CERK: variants seen among roughly 807,000 people sequenced by gnomAD.
The protein encoded by CERK is acylsphingosine kinase.
In CERK, 39 loss-of-function variants were observed where a neutral mutation model predicts 63.4. The ratio of observed to expected loss-of-function variants is 0.61; its 90% CI spans 0.48 to 0.80. The LOEUF (loss-of-function observed/expected upper bound fraction) is 0.80, where lower values mean the gene tolerates loss of function less well. CERK is among the 30% of genes least tolerant of loss of function. The pLI, the probability that CERK is intolerant of heterozygous loss-of-function variation, is 0.00. For synonymous variants in CERK, 302 were observed against 280.0 expected (o/e 1.08, Z -0.78); for missense variants, 670 against 714.1 (o/e 0.94, Z 0.70).
At chr22:46,691,464 C>A in intron 11 of CERK, 108 bp downstream of exon 11, 2 of 954,866 alleles carry the variant, frequency 2.1e-6, no homozygotes, top group Admixed American at 3.1e-5. Flanking sequence ...AAAGTTTGCC[C>A]TTCCTTCCCT....
At chr22:46,719,995 C>A in intron 3 of CERK, 91 bp downstream of exon 3, 1 of 1,522,880 alleles carries the variant, frequency 6.6e-7, no homozygotes, top group Non-Finnish European at 8.9e-7. Context: ...GCCAGCTGCA[C>A]GAAACGGGGA....
At chr22:46,697,703 C>T (rs2082763152) in intron 8 of CERK, among the ~76,000 whole-genome samples, 1 of 152,200 alleles carries the variant, frequency 6.6e-6, no homozygotes, top group African/African-American at 2.4e-5. Context: ...CAGGGTTTCA[C>T]CATGTTGGCG....
chr22:46,694,617 C>T (rs890297816), intron 9 of CERK, among the ~76,000 whole-genome samples: 12 of 152,292 alleles, frequency 7.9e-5, no homozygotes, highest in South Asian at 2.1e-4. Context: ...TTGTTGCCAG[C>T]CCGAGCCTTC....
At chr22:46,732,644 T>C (rs2082951008) in intron 1 of CERK, among the ~76,000 whole-genome samples, 2 of 150,650 alleles carry the variant, frequency 1.3e-5, no homozygotes, top group Admixed American at 6.6e-5. Context: ...AAAAACACCC[T>C]AGCAGTTCCC....
At chr22:46,697,783 G>A (rs1391722840) in intron 8 of CERK, among the ~76,000 whole-genome samples, 2 of 152,212 alleles carry the variant, frequency 1.3e-5, no homozygotes, top group Non-Finnish European at 2.9e-5. Context: ...GGGATTACAG[G>A]CGTGAGCCAC....
intron 3 of CERK, among the ~76,000 whole-genome samples, chr22:46,713,365 C>T (rs1351325446): frequency 1.3e-5 from 2 of 151,556 alleles, no homozygotes; most frequent in South Asian, 2.1e-4. Context: ...AAAAATTAGC[C>T]GGGCGTGGTG....
rs1433006587 is a variant in CERK, at chr22:46,714,392, T to A, written c.380-2099A>T. ...CTGGGAGGTCGAGGCTGCAGTGAGC[T>A]ATGGTCGTGCCACTGCACTCCAGCC... On this transcript the variant is annotated intron_variant, in intron 3 of 12. Transcript: ENST00000216264. This position sits in a 1 kb window ranked among gnomAD's most constrained non-coding sequence, Gnocchi z 4.4. Among the ~76,000 whole-genome samples, 1 of 151,936 alleles carries A rather than the reference T, an allele frequency of 6.6e-6. No individual in the cohort carries two copies. Among genetic ancestry groups the A allele is most frequent in the South Asian group, 2.1e-4 (1 of 4,810 alleles).
rs1416935458 is a variant in CERK at position 46,723,299 on chromosome 22, G to A, written c.143-2284C>T. On this transcript the variant is annotated intron_variant, in intron 1 of 12. Transcript: ENST00000216264. ...AGAGGAACAAAATTCAATATTGTCT[G>A]CACAGCTTTATTGAGGAACGTCAAG... 2.0e-5 allele frequency among the ~76,000 whole-genome samples: 3 copies of A among 152,200 alleles called. No individual in the cohort carries two copies. The East Asian group carries it at 5.8e-4, about 29-fold the overall frequency.
intron 8 of CERK, 131 bp from the exon 9 acceptor site, chr22:46,695,446 G>A: frequency 2.9e-6 from 2 of 682,246 alleles, no homozygotes; most frequent in South Asian, 3.1e-5. Context: ...GGAGAGGCCG[G>A]GCCTGCTTCA....
In CERK at chr22:46,684,962, A is replaced by G. The variant is rs2146533591; in HGVS notation, c.*2172T>C. ...AGCCACTCAGGAACCAGCCATGCGG[A>G]ATGGCTGGGTTTCTTATTGAACATG... On this transcript the variant is annotated 3_prime_UTR_variant, in exon 13 of 13. Coordinates refer to ENST00000216264, the MANE Select transcript of CERK (RefSeq NM_022766.6). 1 of 152,284 alleles carries G rather than the reference A, an allele frequency of 6.6e-6. No homozygotes were observed. Among genetic ancestry groups the G allele is most frequent in the South Asian group, 2.1e-4 (1 of 4,820 alleles). 9.4% of individuals were successfully genotyped at this position (152,284 alleles called of 1,614,324 possible). A position where few individuals can be genotyped will look rare whatever the true frequency, so the allele number is the denominator to read the frequency against.
chr22:46,715,206 C>A (rs1402896828), intron 3 of CERK, among the ~76,000 whole-genome samples: 1 of 152,096 alleles, frequency 6.6e-6, no homozygotes, highest in African/African-American at 2.4e-5. Flanking sequence ...AGGACTGAGA[C>A]AAGGATGCTG....
rs1300965715 is a variant in CERK, at chr22:46,684,691, C to G, written c.*2443G>C. 6.6e-6 allele frequency: 1 copy of G among 150,732 alleles called. No individual in the cohort carries two copies. The highest frequency in any genetic ancestry group is 2.4e-5 in the African/African-American group (1 of 40,830). 9.3% of individuals were successfully genotyped at this position (150,732 alleles called of 1,614,324 possible). On this transcript the variant is annotated 3_prime_UTR_variant, in exon 13 of 13. Transcript: ENST00000216264. ...CTTTCTAAGTTATCCTAAGTTTTTACTATCTAACCAGCACTTCTGATTTTT... is the reference window on the plus strand; with the variant it reads ...CTTTCTAAGTTATCCTAAGTTTTTAGTATCTAACCAGCACTTCTGATTTTT...
intron 11 of CERK, among the ~76,000 whole-genome samples, chr22:46,690,777 C>G (rs1191463770): frequency 2.0e-5 from 3 of 152,174 alleles, no homozygotes; most frequent in Non-Finnish European, 4.4e-5. Context: ...CGAACAGAAC[C>G]CATTTCTGGG....
intron 1 of CERK, among the ~76,000 whole-genome samples, chr22:46,723,384 C>T (rs1231645154): frequency 1.3e-5 from 2 of 152,040 alleles, no homozygotes; most frequent in African/African-American, 2.4e-5. Context: ...TTTGGGAGGC[C>T]GAGGCAGGCA....
At chr22:46,705,396 G>A (rs1044346653) in intron 6 of CERK, among the ~76,000 whole-genome samples, 2 of 152,230 alleles carry the variant, frequency 1.3e-5, no homozygotes, top group Non-Finnish European at 2.9e-5. Flanking sequence ...AACGGGCTGG[G>A]TCCAGTGGCT....
At chr22:46,720,433 C>T (rs898007945) in intron 2 of CERK, among the ~76,000 whole-genome samples, 2 of 152,210 alleles carry the variant, frequency 1.3e-5, no homozygotes, top group Admixed American at 6.5e-5. Flanking sequence ...TGATGACTCA[C>T]GCCTGTAATC....
chr22:46,708,409 C>T (rs801728), intron 5 of CERK, among the ~76,000 whole-genome samples: 12,066 of 152,302 alleles, frequency 0.079, 613 homozygotes, highest in African/African-American at 0.14. Context: ...GCAGTCTGCG[C>T]GGGGACGTTT....
At chr22:46,694,316 A>T (rs925747382) in intron 9 of CERK, among the ~76,000 whole-genome samples, 2 of 151,922 alleles carry the variant, frequency 1.3e-5, no homozygotes, top group South Asian at 2.1e-4. Context: ...CTATGTTTAG[A>T]TTTATTTAAG....
intron 5 of CERK, among the ~76,000 whole-genome samples, chr22:46,710,407 A>G (rs968573479): frequency 7.9e-5 from 12 of 151,990 alleles, no homozygotes; most frequent in African/African-American, 2.7e-4. Context: ...AGCCTGGGCA[A>G]CAAGAGCGAA....
Sources: gnomAD v4.1 joint callset for allele counts (sites outside exome capture counted in the v4.1 genomes callset) on GRCh38, gnomAD v4.1.1 for gene constraint, Gnocchi (gnomAD v3.1) non-coding constraint, MANE v1.5 for transcripts, NCBI Gene and HGNC (gene_info 2026-07-23, HGNC 2026-07-21) for gene names.